Variants in SORCS1 observed in about 807,000 individuals in gnomAD.
The protein encoded by SORCS1 is sortilin related VPS10 domain containing receptor 1.
SORCS1 carries 60 observed loss-of-function variants against 146.1 expected under a neutral mutation model. That is an observed-to-expected ratio of 0.41 (90% CI 0.33 to 0.51). The LOEUF (loss-of-function observed/expected upper bound fraction) is 0.51. SORCS1 is among the 20% of genes least tolerant of loss of function. The pLI, the probability that SORCS1 is intolerant of heterozygous loss-of-function variation, is 0.21. For synonymous variants in SORCS1, 637 were observed against 584.0 expected, an observed-to-expected ratio of 1.09 and a Z score of -1.31; for missense variants, 1,352 against 1,487.6, an observed-to-expected ratio of 0.91 and a Z score of 1.50.
At chr10:106,777,782 TC>T (rs1211823556) in intron 3 of SORCS1, among the ~76,000 whole-genome samples, 1 of 152,190 alleles carries the variant, frequency 6.6e-6, no homozygotes, top group Non-Finnish European at 1.5e-5. Flanking sequence ...TCTCTGTGGG[TC>T]TTTCATTCAA....
chr10:106,984,595 G>A (rs757893831), intron 1 of SORCS1, among the ~76,000 whole-genome samples: 3 of 151,660 alleles, frequency 2.0e-5, no homozygotes, highest in South Asian at 2.1e-4. Context: ...GGGTTTCACC[G>A]TGTTAGCCAG....
At chr10:106,791,948 T>C (rs1309025568) in intron 3 of SORCS1, among the ~76,000 whole-genome samples, 1 of 152,228 alleles carries the variant, frequency 6.6e-6, no homozygotes, top group African/African-American at 2.4e-5. Context: ...TTGTCATTTA[T>C]GTTTACTCAC....
chr10:106,677,256 G>C, intron 13 of SORCS1, 57 bp downstream of exon 13: 1 of 1,469,794 alleles, frequency 6.8e-7, no homozygotes, highest in Admixed American at 1.7e-5. Flanking sequence ...CTCCTAGACT[G>C]ATCTTAGCAG....
chr10:106,602,032 CTA>C (rs1846273808), intron 23 of SORCS1, among the ~76,000 whole-genome samples: 1 of 152,154 alleles, frequency 6.6e-6, no homozygotes, highest in Non-Finnish European at 1.5e-5. Context: ...GGGGGAAACA[CTA>C]TCAGATGATC....
At chr10:106,751,016 G>A (rs544324208) in intron 5 of SORCS1, among the ~76,000 whole-genome samples, 3 of 118,896 alleles carry the variant, frequency 2.5e-5, no homozygotes, top group Non-Finnish European at 3.2e-5. Flanking sequence ...CCGAGATAGT[G>A]CCACTGCACT....
At position 106,989,707 on chromosome 10, in the gene SORCS1, GATGGAGTCTC is replaced by G. The variant is rs779567182; in HGVS notation, c.559-33137_559-33128del. Among the ~76,000 whole-genome samples, 520 of 113,756 alleles carry G rather than the reference GATGGAGTCTC, an allele frequency of 4.6e-3. 4 individuals are homozygous for G. Among genetic ancestry groups the G allele is most frequent in the Non-Finnish European group, 5.4e-3 (339 of 62,804 alleles). 74.6% of individuals were successfully genotyped at this position (113,756 alleles called of 152,430 possible). On this transcript the variant is annotated intron_variant, in intron 1 of 25. Coordinates refer to ENST00000263054, the MANE Select transcript of SORCS1 (RefSeq NM_052918.5). ...TTTTTTTTTTTTTTTTTTTTTCTGA[GATGGAGTCTC>G]ACTCTGTCGCCCAGGCTGGAGTGCA...
chr10:106,854,334 T>C (rs1949701259), intron 2 of SORCS1, among the ~76,000 whole-genome samples: 1 of 152,074 alleles, frequency 6.6e-6, no homozygotes. Flanking sequence ...TTAATTTGAA[T>C]GTATCTTTGT....
intron 17 of SORCS1, among the ~76,000 whole-genome samples, chr10:106,657,527 G>A (rs901464075): frequency 4.0e-5 from 6 of 151,808 alleles, no homozygotes; most frequent in African/African-American, 9.7e-5. Flanking sequence ...CTCAGATGAC[G>A]GATGCACTAA....
chr10:106,664,092 G>A (rs1485619701), intron 17 of SORCS1, among the ~76,000 whole-genome samples: 1 of 152,182 alleles, frequency 6.6e-6, no homozygotes, highest in Non-Finnish European at 1.5e-5. Context: ...GGGGTCAGAT[G>A]CTATCGTGTA....
Position 106,898,869 on chromosome 10 carries a change from A to T in SORCS1, c.626+57644T>A, listed in dbSNP as rs906068068. On this transcript the variant is annotated intron_variant, in intron 2 of 25. Transcript: ENST00000263054. ...TTCCCACAAACCCAAAGGCCCATTTATTTATATTCTGTCCCCAGCTCCTAA... is the reference window on the plus strand; with the variant it reads ...TTCCCACAAACCCAAAGGCCCATTTTTTTATATTCTGTCCCCAGCTCCTAA... Among the ~76,000 whole-genome samples the T allele has an allele frequency of 6.6e-5, 10 of 152,080 alleles. 1 individual carries two copies. The highest frequency in any genetic ancestry group is 6.8e-3 in the Middle Eastern group (2 of 294).
chr10:107,101,302 T>C (rs1486295807), intron 1 of SORCS1, among the ~76,000 whole-genome samples: 2 of 152,178 alleles, frequency 1.3e-5, no homozygotes, highest in Non-Finnish European at 2.9e-5. Flanking sequence ...CGCCTTGGCC[T>C]CCCAAAGTGG....
chr10:106,684,666 A>T (rs1400205835), intron 10 of SORCS1, among the ~76,000 whole-genome samples: 1 of 152,222 alleles, frequency 6.6e-6, no homozygotes, highest in Non-Finnish European at 1.5e-5. Flanking sequence ...GGAACACTGC[A>T]TTCGGGCTGC....
intron 3 of SORCS1, among the ~76,000 whole-genome samples, chr10:106,802,325 C>T (rs1946943695): frequency 1.3e-5 from 2 of 152,068 alleles, no homozygotes; most frequent in South Asian, 4.2e-4. Context: ...GGCCACTTAG[C>T]AAAATTTAAC....
chr10:106,942,101 T>C (rs955973280), intron 2 of SORCS1, among the ~76,000 whole-genome samples: 8 of 152,220 alleles, frequency 5.3e-5, no homozygotes, highest in Non-Finnish European at 1.0e-4. Flanking sequence ...GTAGCTTTTA[T>C]AAAAGGCTTT....
At chr10:107,019,509 A>C (rs1185456819) in intron 1 of SORCS1, among the ~76,000 whole-genome samples, 1 of 152,190 alleles carries the variant, frequency 6.6e-6, no homozygotes, top group Non-Finnish European at 1.5e-5. Flanking sequence ...CAGATTGCAA[A>C]GTTCCAGACT....
Position 106,620,543 on chromosome 10 carries a change from T to C in SORCS1, c.2681A>G (p.His894Arg), listed in dbSNP as rs1248990817. ...LHVTCPLEHV[H>R]LSLPFVTTKN... ...TGTGGTGACAAAGGGAAGAGACAGG[T>C]GCACGTGCTCCAAGGGACCTGAGGC... Residue 894 changes from histidine (H) to arginine (R), a missense_variant, in exon 20 of 26, where the codon CAC becomes CGC. By Grantham distance (29) the His-to-Arg change is conservative. Around this residue, in one of 3 missense-constraint regions of SORCS1, gnomAD observed 648 missense variants for 793.8 expected, o/e 0.82. Coordinates refer to ENST00000263054, the MANE Select transcript of SORCS1 (RefSeq NM_052918.5). The C allele has an allele frequency of 1.9e-6, 3 of 1,613,836 alleles. No individual in the cohort carries two copies. The highest frequency in any genetic ancestry group is 2.5e-6 in the Non-Finnish European group (3 of 1,179,902).
intron 1 of SORCS1, among the ~76,000 whole-genome samples, chr10:107,104,737 A>G (rs183750554): frequency 9.2e-5 from 14 of 152,294 alleles, no homozygotes; most frequent in Admixed American, 5.2e-4. Flanking sequence ...TCCTTTACCA[A>G]ATTCCCTAAG....
chr10:106,600,272 T>C (rs41300233), intron 23 of SORCS1: 134 of 931,894 alleles, frequency 1.4e-4, no homozygotes, highest in Non-Finnish European at 1.6e-4. Context: ...TCATTGGCTC[T>C]ATCTGTGTCA....
At chr10:106,701,584 C>T (rs980303083) in intron 8 of SORCS1, among the ~76,000 whole-genome samples, 1 of 152,200 alleles carries the variant, frequency 6.6e-6, no homozygotes, top group Non-Finnish European at 1.5e-5. Context: ...CTGATGAAAA[C>T]AGGCTCAGCG....
Sources: gnomAD v4.1 joint callset for allele counts (sites outside exome capture counted in the v4.1 genomes callset) on GRCh38, gnomAD v4.1.1 for gene constraint, gnomAD v4.1.1 regional missense constraint, MANE v1.5 for transcripts, NCBI Gene and HGNC (gene_info 2026-07-23, HGNC 2026-07-21) for gene names.